GMCL1: variants seen among roughly 807,000 people sequenced by gnomAD.
GMCL1 encodes germ cell-less protein-like 1.
Under a neutral mutation model 75.5 loss-of-function variants are expected in GMCL1, and 54 were observed. That is an observed-to-expected ratio of 0.71 (90% CI 0.57 to 0.90). The LOEUF (loss-of-function observed/expected upper bound fraction) is 0.90, where lower values mean the gene tolerates loss of function less well. Among genes scored for constraint, GMCL1 ranks in the 40% least tolerant of loss-of-function variants. The pLI is 0.00. For missense variants in GMCL1, 537 were observed against 622.7 expected (o/e 0.86, Z 1.47); for synonymous variants, 210 against 209.6 (o/e 1.00, Z -0.02).
At chr2:69,852,007 A>T (rs535408763) in intron 8 of GMCL1, among the ~76,000 whole-genome samples, 3 of 152,306 alleles carry the variant, frequency 2.0e-5, no homozygotes, top group Non-Finnish European at 2.9e-5. Context: ...CTTAAATTAT[A>T]CTTTTGTGTT....
chr2:69,838,339 A>AAAAAAAAG (rs1674881370), intron 2 of GMCL1, among the ~76,000 whole-genome samples: 2 of 140,028 alleles, frequency 1.4e-5, no homozygotes, highest in African/African-American at 5.6e-5. Context: ...TCTGTCTCAA[A>AAAAAAAAG]AAAAAAAAAA....
chr2:69,853,584 A>T (rs1183360856), intron 8 of GMCL1, among the ~76,000 whole-genome samples: 1 of 152,126 alleles, frequency 6.6e-6, no homozygotes, highest in Non-Finnish European at 1.5e-5. Context: ...CTTAATAGCA[A>T]CAGGACTGGG....
At chr2:69,848,313 A>T (rs1208580117) in intron 7 of GMCL1, among the ~76,000 whole-genome samples, 4 of 150,068 alleles carry the variant, frequency 2.7e-5, no homozygotes, top group African/African-American at 9.9e-5. Context: ...AGCTTATCTC[A>T]TAGGGACTCT....
intron 13 of GMCL1, 123 bp from the exon 14 acceptor site, chr2:69,878,786 G>A: frequency 1.4e-6 from 1 of 735,250 alleles, no homozygotes; most frequent in Non-Finnish European, 2.5e-6. Flanking sequence ...GTGGGAGTTT[G>A]GAGAGTGGAG....
chr2:69,830,981 G>A (rs772283612), intron 1 of GMCL1, among the ~76,000 whole-genome samples: 139 of 152,232 alleles, frequency 9.1e-4, no homozygotes, highest in South Asian at 1.7e-3. Context: ...GTGCAGTGGT[G>A]CGATCTCAAC....
chr2:69,869,028 G>A (rs967904798), intron 11 of GMCL1, among the ~76,000 whole-genome samples: 11 of 151,674 alleles, frequency 7.3e-5, no homozygotes, highest in East Asian at 2.0e-4. Flanking sequence ...CGAGGCGGGC[G>A]GATCACCTGA....
intron 9 of GMCL1, among the ~76,000 whole-genome samples, chr2:69,859,522 G>A (rs1675578156): frequency 6.6e-6 from 1 of 151,634 alleles, no homozygotes; most frequent in Non-Finnish European, 1.5e-5. Flanking sequence ...GGTGGCTCAC[G>A]CCTGTAATCC....
At chr2:69,868,619 G>C in intron 11 of GMCL1, among the ~76,000 whole-genome samples, 1 of 149,574 alleles carries the variant, frequency 6.7e-6, no homozygotes, top group Non-Finnish European at 1.5e-5. Context: ...CGCCATGTTG[G>C]CCAGGCTGTT....
intron 8 of GMCL1, among the ~76,000 whole-genome samples, chr2:69,854,307 G>T (rs1172906987): frequency 6.6e-6 from 1 of 152,056 alleles, no homozygotes; most frequent in Non-Finnish European, 1.5e-5. Flanking sequence ...GAGCCACCAC[G>T]CCTAGCCATA....
At chr2:69,857,265 C>CT (rs1675499826) in intron 9 of GMCL1, among the ~76,000 whole-genome samples, 1 of 152,192 alleles carries the variant, frequency 6.6e-6, no homozygotes, top group Non-Finnish European at 1.5e-5. Flanking sequence ...GTCTTCAACT[C>CT]TGTGTCCTTC....
chr2:69,846,190 T>G (rs1045248017), intron 6 of GMCL1, among the ~76,000 whole-genome samples: 18 of 152,104 alleles, frequency 1.2e-4, no homozygotes, highest in African/African-American at 4.1e-4. Flanking sequence ...CCTGGTGATG[T>G]CAAGGCATAA....
chr2:69,871,632 T>C (rs1675982605), intron 12 of GMCL1, 113 bp from the exon 13 acceptor site: 1 of 588,544 alleles, frequency 1.7e-6, no homozygotes, highest in African/African-American at 1.9e-5. Context: ...TTCCTAAAAG[T>C]CTTTTATCAA....
At position 69,869,859 on chromosome 2, in the gene GMCL1, A is replaced by G; in HGVS notation, c.1359A>G (p.Ala453=). 1 of 1,613,014 alleles carries G rather than the reference A, an allele frequency of 6.2e-7. No homozygotes were observed. The highest frequency in any genetic ancestry group is 8.5e-7 in the Non-Finnish European group (1 of 1,179,410). ...SVSLQPRRSI[A]FRLRLASFDS... is the part of the protein sequence containing the mutation. Reference sequence around the variant, plus strand: ...GTTTACAGCCTCGAAGGAGCATAGCATTTAGGTAGGATGAGATTTCCCCAC... The same window carrying G: ...GTTTACAGCCTCGAAGGAGCATAGCGTTTAGGTAGGATGAGATTTCCCCAC... The change falls in exon 12 of 14, where the codon GCA becomes GCG. Residue 453 remains alanine, a synonymous_variant. Transcript: ENST00000282570.
In GMCL1 at chr2:69,846,664, GC is replaced by G. The variant is rs576156973; in HGVS notation, c.759-878del. Among the ~76,000 whole-genome samples, 415 of 152,200 alleles carry G rather than the reference GC, an allele frequency of 2.7e-3. 3 individuals are homozygous for G. Among genetic ancestry groups the G allele is most frequent in the African/African-American group, 9.4e-3 (391 of 41,552 alleles). On this transcript the variant is annotated intron_variant, in intron 6 of 13. Coordinates refer to ENST00000282570, the MANE Select transcript of GMCL1 (RefSeq NM_178439.5). ...AAAGGAAAGAAAGAACAAAGGAAAAGCAAAACAAAACAAATAACTGGTGATA... is the reference window on the plus strand; with the variant it reads ...AAAGGAAAGAAAGAACAAAGGAAAAGAAAACAAAACAAATAACTGGTGATA...
At position 69,838,003 on chromosome 2, in the gene GMCL1, C is replaced by T. The variant is rs72895259; in HGVS notation, c.384+333C>T. On this transcript the variant is annotated intron_variant, in intron 2 of 13. Transcript: ENST00000282570. ...AGTTAAGATTGTAGTGTTTATTTTG[C>T]TTATGGTTATTTAAATTGGATAAAC... Among the ~76,000 whole-genome samples the T allele has an allele frequency of 5.4e-3, 827 of 152,042 alleles. 9 individuals are homozygous for T. Among genetic ancestry groups the T allele is most frequent in the African/African-American group, 0.019 (794 of 41,462 alleles).
chr2:69,843,324 T>A lies in GMCL1; in HGVS notation c.692+63T>A. The A allele has an allele frequency of 4.9e-6, 4 of 817,298 alleles. No homozygotes were observed. The South Asian group carries it at 5.9e-5, about 12-fold the overall frequency. 50.6% of individuals were successfully genotyped at this position (817,298 alleles called of 1,614,324 possible). A position where few individuals can be genotyped will look rare whatever the true frequency, so the allele number is the denominator to read the frequency against. ...TTAGGAATTTGGTTGCTTTAGTTTC[T>A]TAAGAGAATGTATAGCTATAAGAAA... On this transcript the variant is annotated intron_variant, in intron 5 of 13. Transcript: ENST00000282570.
Position 69,829,792 on chromosome 2 carries a change from G to A in GMCL1, c.-101G>A, listed in dbSNP as rs1674615044. On this transcript the variant is annotated 5_prime_UTR_variant, in exon 1 of 14. Transcript: ENST00000282570. ...TTGGGGCTGCGCGTGAGAAGGTGGC[G>A]GTGTAGGCACCTGCGCTCGGGGAAG... The A allele has an allele frequency of 1.6e-6, 2 of 1,279,840 alleles. No individual in the cohort carries two copies. The highest frequency in any genetic ancestry group is 1.6e-5 in the South Asian group (1 of 64,482). 79.3% of individuals were successfully genotyped at this position (1,279,840 alleles called of 1,614,324 possible).
In GMCL1 at chr2:69,844,055, A is replaced by G. The variant is rs560522589; in HGVS notation, c.693-76A>G. On this transcript the variant is annotated intron_variant, in intron 5 of 13. Transcript: ENST00000282570. ...GTTCTGGCAAGATTAATCTGATTTT[A>G]TTTTAACTATAAGTCCTACTTAATA... 52 of 645,908 alleles carry G rather than the reference A, an allele frequency of 8.1e-5. No individual in the cohort carries two copies. The African/African-American group carries it at 9.6e-4, about 12-fold the overall frequency. The allele number at this position is 645,908 out of a possible 1,614,324, so 40.0% of individuals were successfully genotyped here. A position where few individuals can be genotyped will look rare whatever the true frequency, so the allele number is the denominator to read the frequency against.
chr2:69,869,703 CTCTTG>C lies in GMCL1; in HGVS notation c.1219-14_1219-10del, dbSNP rs1174154747. 6.2e-7 allele frequency: 1 copy of C among 1,610,854 alleles called. No individual in the cohort carries two copies. The highest frequency in any genetic ancestry group is 1.1e-5 in the South Asian group (1 of 90,748). On this transcript the variant is annotated splice_polypyrimidine_tract_variant and intron_variant, in intron 11 of 13. Coordinates refer to ENST00000282570, the MANE Select transcript of GMCL1 (RefSeq NM_178439.5). ...TATGATAAACTGAAATAAGTCTTCT[CTCTTG>C]TATTTTTTAGTACTGCTGGCGTTGG... is the stretch of plus-strand genomic sequence containing the variant.
Sources: allele counts gnomAD v4.1 joint callset (sites outside exome capture counted in the v4.1 genomes callset), GRCh38; gene constraint gnomAD v4.1.1; transcripts MANE v1.5; gene names NCBI Gene and HGNC (gene_info 2026-07-23, HGNC 2026-07-21).